RNASE10: variants seen among roughly 807,000 people sequenced by gnomAD.
The protein encoded by RNASE10 is ribonuclease A family member 10 (inactive).
A neutral mutation model predicts 1.1 loss-of-function variants in RNASE10; 2 were observed. The ratio of observed to expected loss-of-function variants is 1.82; its 90% confidence interval spans 0.74 to 5.73. The LOEUF (loss-of-function observed/expected upper bound fraction) is 5.73. Among genes scored for constraint, RNASE10 ranks in the 30% most tolerant of loss-of-function variants. The pLI, the probability that RNASE10 is intolerant of heterozygous loss-of-function variation, is 0.05. For missense variants in RNASE10, 276 were observed against 263.4 expected (o/e 1.05, Z -0.33); for synonymous variants, 97 against 96.2 (o/e 1.01, Z -0.05).
intron 1 of RNASE10, among the ~76,000 whole-genome samples, chr14:20,506,919 C>T (rs1395191701): frequency 4.4e-5 from 6 of 135,906 alleles, no homozygotes; most frequent in Admixed American, 7.3e-5. Flanking sequence ...CCTGGCCAGC[C>T]GCCCCGTCCG....
At chr14:20,506,205 C>T (rs1205881285) in intron 1 of RNASE10, among the ~76,000 whole-genome samples, 186 bp downstream of exon 1, 82 of 133,160 alleles carry the variant, frequency 6.2e-4, no homozygotes, top group East Asian at 9.2e-4. Flanking sequence ...GCCCCCCGCC[C>T]GGCCAGCCGC....
chr14:20,509,623 G>A (rs76127034), intron 1 of RNASE10, among the ~76,000 whole-genome samples: 10 of 152,258 alleles, frequency 6.6e-5, no homozygotes, highest in African/African-American at 1.9e-4. Flanking sequence ...TCTTTTGTGG[G>A]GAAGGTGGGT....
upstream of RNASE10, among the ~76,000 whole-genome samples, chr14:20,504,442 C>T (rs12888607): frequency 6.6e-6 from 1 of 152,064 alleles, no homozygotes; most frequent in African/African-American, 2.4e-5. Flanking sequence ...TTTTCGAGCA[C>T]TTTGGGAGGC....
downstream of RNASE10, among the ~76,000 whole-genome samples, chr14:20,513,203 C>CTTTG (rs1366239578): frequency 6.6e-6 from 1 of 151,900 alleles, no homozygotes; most frequent in Non-Finnish European, 1.5e-5. Flanking sequence ...TCATGTTTTT[C>CTTTG]TTTTGTTTTG....
intron 1 of RNASE10, among the ~76,000 whole-genome samples, chr14:20,507,901 C>G (rs1003988499): frequency 6.6e-6 from 1 of 152,008 alleles, no homozygotes; most frequent in Non-Finnish European, 1.5e-5. Flanking sequence ...ACACACGCCA[C>G]CAAGCCAGGC....
chr14:20,506,932 A>C (rs1261383172), intron 1 of RNASE10, among the ~76,000 whole-genome samples: 2 of 117,140 alleles, frequency 1.7e-5, no homozygotes, highest in South Asian at 3.0e-4. Flanking sequence ...CCCGTCCGGG[A>C]GGGGGGAGGG....
downstream of RNASE10, among the ~76,000 whole-genome samples, chr14:20,512,593 C>G (rs998880339): frequency 6.6e-6 from 1 of 152,220 alleles, no homozygotes; most frequent in Non-Finnish European, 1.5e-5. Flanking sequence ...TTTATCCTTC[C>G]TGTTTTCACA....
exon 2 of RNASE10, chr14:20,511,005 C>G (rs73569478): frequency 1.3e-6 from 2 of 1,596,366 alleles, no homozygotes; most frequent in Admixed American, 1.7e-5. Flanking sequence ...TGACATTGTG[C>G]GAGCTGTCCC....
downstream of RNASE10, chr14:20,511,210 G>A: frequency 2.8e-6 from 3 of 1,086,456 alleles, no homozygotes; most frequent in Non-Finnish European, 3.7e-6. Flanking sequence ...CCTGATCTTA[G>A]GTATCATGCA....
At chr14:20,506,876 G>C (rs1882746567) in intron 1 of RNASE10, among the ~76,000 whole-genome samples, 1 of 128,962 alleles carries the variant, frequency 7.8e-6, no homozygotes, top group African/African-American at 3.2e-5. Context: ...CCTCTGCCCG[G>C]CCGCCCCTAC....
At chr14:20,505,279 T>C (rs1163603684), upstream of RNASE10, among the ~76,000 whole-genome samples, 2 of 4,558 alleles carry the variant, frequency 4.4e-4, no homozygotes, top group Non-Finnish European at 1.3e-3. Context: ...TCCCTCTCCC[T>C]CTCCCTCTCC....
At chr14:20,507,213 C>T (rs1882765173) in intron 1 of RNASE10, among the ~76,000 whole-genome samples, 1 of 142,364 alleles carries the variant, frequency 7.0e-6, no homozygotes, top group Non-Finnish European at 1.5e-5. Context: ...CGGATGGTTG[C>T]CGGGTCTGTG....
chr14:20,506,318 G>GGT (rs1882715498), intron 1 of RNASE10, among the ~76,000 whole-genome samples: 1 of 129,204 alleles, frequency 7.7e-6, no homozygotes, highest in Non-Finnish European at 1.7e-5. Context: ...AGGTGGGGGG[G>GGT]GTCAGCCCCC....
chr14:20,505,303 T>C (rs1193073387), upstream of RNASE10, among the ~76,000 whole-genome samples: 1 of 66,828 alleles, frequency 1.5e-5, no homozygotes, highest in African/African-American at 6.2e-5. Context: ...TCCCTCTCCC[T>C]CTCCCTCTCC....
chr14:20,504,459 G>A (rs866289779), upstream of RNASE10, among the ~76,000 whole-genome samples: 13 of 152,020 alleles, frequency 8.6e-5, no homozygotes, highest in Non-Finnish European at 1.5e-4. Flanking sequence ...AGGCCGAGGC[G>A]GGCGGGTCAC....
chr14:20,509,712 T>C (rs1258944667), intron 1 of RNASE10, among the ~76,000 whole-genome samples: 8 of 152,138 alleles, frequency 5.3e-5, no homozygotes, highest in Non-Finnish European at 2.9e-5. Flanking sequence ...CTGTGGTAAA[T>C]CTAGTCCTAT....
chr14:20,510,361 A>C, intron 1 of RNASE10, 106 bp from the exon 2 acceptor site: 1 of 1,490,646 alleles, frequency 6.7e-7, no homozygotes, highest in Non-Finnish European at 8.9e-7. Flanking sequence ...CAGAAGACAC[A>C]GGAGACCCCA....
At chr14:20,511,161 TC>T (rs1012875726), downstream of RNASE10, 1 of 1,379,532 alleles carries the variant, frequency 7.2e-7, no homozygotes, top group Non-Finnish European at 9.6e-7. Flanking sequence ...CTTCTCCTGT[TC>T]CTCTTCCTTT....
intron 1 of RNASE10, among the ~76,000 whole-genome samples, chr14:20,506,226 A>T (rs1594439405): frequency 9.1e-6 from 1 of 109,438 alleles, no homozygotes; most frequent in East Asian, 2.8e-4. Context: ...CCCGTCCGGG[A>T]GGTGAGGGGC....
Sources: allele counts gnomAD v4.1 joint callset (sites outside exome capture counted in the v4.1 genomes callset), GRCh38; gene constraint gnomAD v4.1.1; transcripts MANE v1.5; gene names NCBI Gene and HGNC (gene_info 2026-07-23, HGNC 2026-07-21).